The following PARP15 variants were observed in gnomAD, a reference collection of about 807,000 sequenced individuals.
PARP15 encodes protein mono-ADP-ribosyltransferase PARP15.
In PARP15, 50 loss-of-function variants were observed where a neutral mutation model predicts 62.1. The ratio of observed to expected loss-of-function variants is 0.81; its 90% confidence interval spans 0.64 to 1.02. The LOEUF is 1.02. Ranked by LOEUF, PARP15 falls within the 50% of genes least tolerant of loss-of-function variation. PARP15 has a pLI of 0.00. For synonymous variants in PARP15, 309 were observed against 293.1 expected, an observed-to-expected ratio of 1.05 and a Z score of -0.55; for missense variants, 820 against 826.5, an observed-to-expected ratio of 0.99 and a Z score of 0.10.
intron 9 of PARP15, among the ~76,000 whole-genome samples, chr3:122,630,052 T>C (rs550887553): frequency 1.1e-4 from 16 of 152,284 alleles, no homozygotes; most frequent in Admixed American, 9.1e-4. Flanking sequence ...ACCCCTGTCT[T>C]AAAAAACACT....
chr3:122,589,594 T>C (rs1010320893), intron 1 of PARP15, among the ~76,000 whole-genome samples: 1 of 152,230 alleles, frequency 6.6e-6, no homozygotes, highest in Admixed American at 6.5e-5. Context: ...TGGCACCTCA[T>C]TGTGGTTTTG....
chr3:122,614,461 A>C (rs1935802394), intron 4 of PARP15, among the ~76,000 whole-genome samples: 1 of 152,208 alleles, frequency 6.6e-6, no homozygotes, highest in South Asian at 2.1e-4. Context: ...TGCATGATGT[A>C]GTTTGTAAGC....
At chr3:122,620,433 T>G (rs1052969049) in intron 7 of PARP15, among the ~76,000 whole-genome samples, 1 of 152,166 alleles carries the variant, frequency 6.6e-6, no homozygotes, top group Admixed American at 6.5e-5. Context: ...GGGTAGACAC[T>G]CAGCTATGAG....
chr3:122,624,579 T>C (rs373999925), intron 8 of PARP15, among the ~76,000 whole-genome samples: 9 of 152,194 alleles, frequency 5.9e-5, no homozygotes, highest in South Asian at 2.1e-4. Context: ...AGAGGAGCCC[T>C]AATAATGTCT....
chr3:122,587,242 A>C (rs1247960656), intron 1 of PARP15, among the ~76,000 whole-genome samples: 1 of 152,252 alleles, frequency 6.6e-6, no homozygotes, highest in Non-Finnish European at 1.5e-5. Context: ...ATTATGAATA[A>C]AGCTGCTATA....
intron 8 of PARP15, among the ~76,000 whole-genome samples, chr3:122,626,599 A>T (rs2107588535): frequency 6.6e-6 from 1 of 152,222 alleles, no homozygotes; most frequent in South Asian, 2.1e-4. Context: ...ACAATTATGG[A>T]GTAGTCTTGT....
Position 122,617,173 on chromosome 3 carries a change from T to C in PARP15, c.1000+9T>C. ...ATTTAATCGGAAATCAGGTACTTTA[T>C]TTAAGCAATATATTGTAATTATTAG... is the stretch of plus-strand genomic sequence containing the variant. On this transcript the variant is annotated intron_variant, in intron 6 of 11. Coordinates refer to ENST00000464300, the MANE Select transcript of PARP15 (RefSeq NM_001113523.3). 7 of 1,607,906 alleles carry C rather than the reference T, an allele frequency of 4.4e-6. No individual in the cohort carries two copies. Among genetic ancestry groups the C allele is most frequent in the Non-Finnish European group, 6.0e-6 (7 of 1,175,162 alleles).
intron 10 of PARP15, 42 bp downstream of exon 10, chr3:122,632,261 A>G (rs1560000452): frequency 6.3e-7 from 1 of 1,576,546 alleles, no homozygotes; most frequent in Non-Finnish European, 8.7e-7. Context: ...ATGTTGATGA[A>G]CTAACATAAA....
chr3:122,605,994 C>T lies in PARP15; in HGVS notation c.245C>T (p.Ser82Leu). ...DCLSIRNVVA[S>L]IQTKEGLNLK... Reference sequence around the variant, plus strand: ...CTTTCAATCAGGAATGTTGTAGCTTCAATCCAAACCAAAGAAGGTCTGAAT... The same window carrying T: ...CTTTCAATCAGGAATGTTGTAGCTTTAATCCAAACCAAAGAAGGTCTGAAT... The change falls in exon 2 of 12, where the codon TCA becomes TTA. Residue 82 changes from serine (S) to leucine (L), a missense_variant. Physicochemically the swap from Ser to Leu is moderately radical, Grantham distance 145. This residue lies in a region of PARP15 where 731 missense variants were observed against 727.7 expected (regional missense o/e 1.00). Transcript: ENST00000464300. 4 of 1,551,950 alleles carry T rather than the reference C, an allele frequency of 2.6e-6. No homozygotes were observed. In the East Asian group the frequency reaches 7.3e-5, roughly 28 times the overall value.
At chr3:122,601,295 C>T (rs1267938376) in intron 1 of PARP15, among the ~76,000 whole-genome samples, 2 of 152,078 alleles carry the variant, frequency 1.3e-5, no homozygotes, top group African/African-American at 4.8e-5. Context: ...AAGTTACAGG[C>T]ATGAGCCACT....
In PARP15 at chr3:122,617,035, A is replaced by C. The variant is rs748049256; in HGVS notation, c.871A>C (p.Lys291Gln). The change falls in exon 6 of 12, where the codon AAG (lysine) becomes CAG (glutamine). Residue 291 changes from lysine to glutamine, a missense_variant. By Grantham distance (53) the Lys-to-Gln change is moderately conservative. This residue lies in a region of PARP15 where 731 missense variants were observed against 727.7 expected (regional missense o/e 1.00). Coordinates refer to ENST00000464300, the MANE Select transcript of PARP15 (RefSeq NM_001113523.3). ...DTQGVVGTVS[K>Q]PCFTAYEMKI... Reference sequence around the variant, plus strand: ...TTCAGGTGTGGTCGGGACTGTCTCTAAGCCTTGTTTCACAGCATATGAAAT... The same window carrying C: ...TTCAGGTGTGGTCGGGACTGTCTCTCAGCCTTGTTTCACAGCATATGAAAT... The C allele has an allele frequency of 1.6e-5, 26 of 1,614,040 alleles. No homozygotes were observed. The highest frequency in any genetic ancestry group is 2.2e-5 in the Non-Finnish European group (26 of 1,180,016).
At chr3:122,579,226 A>T (rs1452094417) in intron 1 of PARP15, among the ~76,000 whole-genome samples, 3 of 152,206 alleles carry the variant, frequency 2.0e-5, no homozygotes, top group African/African-American at 7.2e-5. Context: ...GTTTATAGTT[A>T]TCTTCACATA....
At chr3:122,599,146 T>A (rs1347711957) in intron 1 of PARP15, among the ~76,000 whole-genome samples, 1 of 152,188 alleles carries the variant, frequency 6.6e-6, no homozygotes, top group Non-Finnish European at 1.5e-5. Context: ...ATCCACCCGC[T>A]TCAGCCTCCA....
intron 9 of PARP15, among the ~76,000 whole-genome samples, chr3:122,630,162 C>T (rs188467057): frequency 3.9e-4 from 59 of 152,258 alleles, no homozygotes; most frequent in Non-Finnish European, 5.9e-4. Flanking sequence ...TCTGTGAAGC[C>T]GTGGGCTGCA....
chr3:122,619,836 T>G lies in PARP15; in HGVS notation c.1056T>G (p.Ala352=), dbSNP rs1361245169. Residue 352 remains alanine (A), a synonymous_variant, in exon 7 of 12, where the codon GCT becomes GCG. Transcript: ENST00000464300. ...GACAAGCTGTGGAAAGTGAATGTGCTGTACTAGGTATGGGCACATGTTACT... is the reference window on the plus strand; with the variant it reads ...GACAAGCTGTGGAAAGTGAATGTGCGGTACTAGGTATGGGCACATGTTACT... ...GAGQAVESEC[A]VLAAQPHRDF... The G allele has an allele frequency of 6.2e-7, 1 of 1,612,750 alleles. No homozygotes were observed. Among genetic ancestry groups the G allele is most frequent in the Non-Finnish European group, 8.5e-7 (1 of 1,178,712 alleles).
chr3:122,616,966 C>T, intron 5 of PARP15, 49 bp from the exon 6 acceptor site: 2 of 1,594,058 alleles, frequency 1.3e-6, no homozygotes, highest in South Asian at 2.3e-5. Context: ...AGTGCTGTTC[C>T]TCCAGAAGCT....
intron 1 of PARP15, 136 bp downstream of exon 1, chr3:122,577,989 T>C (rs1246139780): frequency 5.0e-6 from 4 of 807,556 alleles, no homozygotes; most frequent in Non-Finnish European, 7.2e-6. Flanking sequence ...CCGACTACAC[T>C]GACTTCCCTG....
chr3:122,600,753 G>A (rs922922154), intron 1 of PARP15, among the ~76,000 whole-genome samples: 1 of 151,164 alleles, frequency 6.6e-6, no homozygotes, highest in Non-Finnish European at 1.5e-5. Flanking sequence ...ATTCTCGTTA[G>A]TATGTTTCTA....
At position 122,577,768 on chromosome 3, in the gene PARP15, G is replaced by C. The variant is rs766640787; in HGVS notation, c.101G>C (p.Gly34Ala). The C allele has an allele frequency of 8.9e-5, 138 of 1,551,546 alleles. 1 individual carries two copies. The African/African-American group carries it at 1.8e-3, about 20-fold the overall frequency. ...GTTGCAGGTGTTACTTCCAGAGCCG[G>C]ACGAGATCGGGAGGCGGGGAGCGTG... ...HGVAGVTSRA[G>A]RDREAGSVLP... Residue 34 changes from glycine (G) to alanine (A), a missense_variant, in exon 1 of 12, where the codon GGA becomes GCA. By Grantham distance (60) the Gly-to-Ala change is moderately conservative. Transcript: ENST00000464300.
Sources: gnomAD v4.1 joint callset for allele counts (sites outside exome capture counted in the v4.1 genomes callset) on GRCh38, gnomAD v4.1.1 for gene constraint, gnomAD v4.1.1 regional missense constraint, MANE v1.5 for transcripts, NCBI Gene and HGNC (gene_info 2026-07-23, HGNC 2026-07-21) for gene names.